LARGE1: variants seen among roughly 807,000 people sequenced by gnomAD.
The protein encoded by LARGE1 is xylosyl- and glucuronyltransferase LARGE1.
A neutral mutation model predicts 87.6 loss-of-function variants in LARGE1; 43 were observed. That is an observed-to-expected ratio of 0.49 (90% confidence interval 0.38 to 0.63). LARGE1 has a LOEUF of 0.63. Ranked by LOEUF, LARGE1 falls within the 30% of genes least tolerant of loss-of-function variation. LARGE1 has a pLI of 0.00. For synonymous variants in LARGE1, 434 were observed against 394.6 expected, an observed-to-expected ratio of 1.10 and a Z score of -1.18; for missense variants, 802 against 1,000.2, an observed-to-expected ratio of 0.80 and a Z score of 2.67.
intron 10 of LARGE1, among the ~76,000 whole-genome samples, chr22:33,336,463 G>C (rs1938455552): frequency 6.6e-6 from 1 of 152,040 alleles, no homozygotes; most frequent in Non-Finnish European, 1.5e-5. Context: ...GCCTCCTAAA[G>C]TGCTGAGATT....
intron 5 of LARGE1, among the ~76,000 whole-genome samples, chr22:33,572,825 G>A (rs559392089): frequency 4.6e-5 from 7 of 152,152 alleles, no homozygotes; most frequent in East Asian, 1.9e-4. Flanking sequence ...AGCCAAGATC[G>A]TGCCACTACA....
At chr22:33,865,832 CTTTTTTTTTTTTTTTTTTTTT>C (rs3072359) in intron 1 of LARGE1, among the ~76,000 whole-genome samples, 9 of 28,364 alleles carry the variant, frequency 3.2e-4, no homozygotes, top group African/African-American at 6.4e-4. Context: ...AGCTGTTATT[CTTTTTTTTTTTTTTTTTTTTT>C]TTTTTTTTTT....
intron 4 of LARGE1, among the ~76,000 whole-genome samples, chr22:33,617,518 CTATT>C (rs2079615723): frequency 6.6e-6 from 1 of 152,158 alleles, no homozygotes; most frequent in Non-Finnish European, 1.5e-5. Flanking sequence ...TGATTCAAGG[CTATT>C]TAGTTTTATA....
intron 1 of LARGE1, among the ~76,000 whole-genome samples, chr22:33,884,050 T>C (rs551226109): frequency 7.9e-5 from 12 of 152,218 alleles, no homozygotes; most frequent in Non-Finnish European, 1.5e-4. Flanking sequence ...TATACAGTAG[T>C]GCACAGTAAA....
intron 2 of LARGE1, among the ~76,000 whole-genome samples, chr22:33,653,003 A>C (rs1055726467): frequency 5.3e-5 from 8 of 152,340 alleles, no homozygotes; most frequent in Non-Finnish European, 1.0e-4. Flanking sequence ...CCGACTGGCC[A>C]ATTACAAGCT....
chr22:33,391,873 G>A (rs932392381), intron 7 of LARGE1, among the ~76,000 whole-genome samples: 5 of 148,984 alleles, frequency 3.4e-5, no homozygotes, highest in African/African-American at 7.4e-5. Flanking sequence ...GGGTTCTAGC[G>A]ATTCTCCTGC....
chr22:33,749,449 C>G (rs1382814948), intron 2 of LARGE1, among the ~76,000 whole-genome samples: 4 of 152,172 alleles, frequency 2.6e-5, no homozygotes, highest in African/African-American at 2.4e-5. Flanking sequence ...AACTGACCTG[C>G]AATGATGTTG....
chr22:33,779,398 G>A (rs80163609), intron 1 of LARGE1, among the ~76,000 whole-genome samples: 12,627 of 143,092 alleles, frequency 0.088, 631 homozygotes, highest in South Asian at 0.24. Flanking sequence ...ATAGTACAGA[G>A]TGGAACCAGG....
chr22:33,897,251 G>A (rs1055230544), intron 1 of LARGE1, among the ~76,000 whole-genome samples: 1 of 152,162 alleles, frequency 6.6e-6, no homozygotes, highest in African/African-American at 2.4e-5. Flanking sequence ...AGGCACTACA[G>A]CCTTTAAATC....
chr22:33,206,357 G>T (rs1568973414), intron 11 of LARGE1, among the ~76,000 whole-genome samples: 2 of 150,928 alleles, frequency 1.3e-5, no homozygotes, highest in Non-Finnish European at 2.9e-5. Context: ...CTCCCAAAGT[G>T]TTGGGATTAC....
At chr22:33,520,675 G>A (rs566279284) in intron 6 of LARGE1, among the ~76,000 whole-genome samples, 12 of 152,310 alleles carry the variant, frequency 7.9e-5, no homozygotes, top group African/African-American at 1.9e-4. Flanking sequence ...AGTGTTCTGC[G>A]TCTTTCTGTC....
At chr22:33,878,125 A>ATTTATTTTTTTTTTTTTTTTTTTTT (rs1601836110) in intron 1 of LARGE1, among the ~76,000 whole-genome samples, 1 of 51,234 alleles carries the variant, frequency 2.0e-5, no homozygotes, top group Non-Finnish European at 4.1e-5. Context: ...TTTATATTGT[A>ATTTATTTTTTTTTTTTTTTTTTTTT]TTTCTTTTTT....
intron 1 of LARGE1, among the ~76,000 whole-genome samples, chr22:33,888,107 C>T (rs1439013735): frequency 3.3e-5 from 5 of 152,158 alleles, no homozygotes; most frequent in African/African-American, 2.4e-5. Context: ...GGCCCCTCTG[C>T]ACTTCATTCT....
At chr22:33,476,087 A>C (rs2148153946) in intron 6 of LARGE1, among the ~76,000 whole-genome samples, 1 of 152,392 alleles carries the variant, frequency 6.6e-6, no homozygotes, top group Non-Finnish European at 1.5e-5. Context: ...GGCCACAAGG[A>C]AATTCCCTGT....
At chr22:33,730,735 G>A (rs2083437140) in intron 2 of LARGE1, among the ~76,000 whole-genome samples, 1 of 152,000 alleles carries the variant, frequency 6.6e-6, no homozygotes, top group African/African-American at 2.4e-5. Flanking sequence ...TTGTTGCCCA[G>A]GATGGAGTGC....
intron 7 of LARGE1, among the ~76,000 whole-genome samples, chr22:33,406,235 C>G (rs932851659): frequency 6.6e-6 from 1 of 152,138 alleles, no homozygotes; most frequent in Non-Finnish European, 1.5e-5. Flanking sequence ...CGTGTATACC[C>G]AGACTTGCCT....
At chr22:33,075,205 AG>A in the LARGE1 span, among the ~76,000 whole-genome samples, 1 of 152,216 alleles carries the variant, frequency 6.6e-6, no homozygotes, top group African/African-American at 2.4e-5. Context: ...AGCTAGGTAA[AG>A]TCTTGGTAGG....
At chr22:33,588,924 C>T (rs79955362) in intron 5 of LARGE1, among the ~76,000 whole-genome samples, 6,876 of 152,288 alleles carry the variant, frequency 0.045, 536 homozygotes, top group African/African-American at 0.16. Context: ...ATGGATCACA[C>T]AGTGGTGTGT....
Position 33,604,509 on chromosome 22 carries a change from T to A in LARGE1, c.541A>T (p.Ile181Phe). The A allele has an allele frequency of 1.9e-6, 3 of 1,613,962 alleles. No individual in the cohort carries two copies. Among genetic ancestry groups the A allele is most frequent in the Non-Finnish European group, 2.5e-6 (3 of 1,179,964 alleles). ...CAGGTCTGGAAGAGCGTGGCCAGGA[T>A]CTGCTCCGCAATGGAGTCAGCAATA... ...HLIADSIAEQ[I>F]LATLFQTWMV... Residue 181 changes from isoleucine (I) to phenylalanine (F), a missense_variant, in exon 5 of 15, where the codon ATC becomes TTC. By Grantham distance (21) the Ile-to-Phe change is conservative. Around this residue, in one of 2 missense-constraint regions of LARGE1, gnomAD observed 625 missense variants for 841.9 expected, o/e 0.74. Transcript: ENST00000397394.
Sources: gnomAD v4.1 joint callset for allele counts (sites outside exome capture counted in the v4.1 genomes callset) on GRCh38, gnomAD v4.1.1 for gene constraint, gnomAD v4.1.1 regional missense constraint, MANE v1.5 for transcripts, NCBI Gene and HGNC (gene_info 2026-07-23, HGNC 2026-07-21) for gene names.